USP6NL: variants seen among roughly 807,000 people sequenced by gnomAD.
The protein encoded by USP6NL is USP6 N-terminal like.
Under a neutral mutation model 61.9 loss-of-function variants are expected in USP6NL, and 26 were observed. The observed-to-expected ratio is 0.42, with a 90% confidence interval of 0.31 to 0.58. The LOEUF is 0.58. Ranked by LOEUF, USP6NL falls within the 20% of genes least tolerant of loss-of-function variation. The probability of loss-of-function intolerance (pLI) is 0.16; values close to 1 mark genes in which losing one functional copy is unlikely to be tolerated. For missense variants in USP6NL, 1,114 were observed against 1,034.3 expected (o/e 1.08, Z -1.06); for synonymous variants, 432 against 390.1 (o/e 1.11, Z -1.27).
chr10:11,590,259 T>A lies in USP6NL; in HGVS notation c.4+7372A>T, dbSNP rs553842704. Among the ~76,000 whole-genome samples, 446 of 152,278 alleles carry A rather than the reference T, an allele frequency of 2.9e-3. 10 individuals are homozygous for A. Among genetic ancestry groups the A allele is most frequent in the Admixed American group, 0.024 (368 of 15,292 alleles). ...AAAAAAAAGTCACACCAAAATACTATTTTAGATCAATTCTGAGGAAGAAAG... is the reference window on the plus strand; with the variant it reads ...AAAAAAAAGTCACACCAAAATACTAATTTAGATCAATTCTGAGGAAGAAAG... On this transcript the variant is annotated intron_variant, in intron 2 of 14. Coordinates refer to ENST00000609104, the MANE Select transcript of USP6NL (RefSeq NM_014688.5).
chr10:11,607,701 T>A (rs551554727), intron 1 of USP6NL, among the ~76,000 whole-genome samples: 11 of 151,894 alleles, frequency 7.2e-5, no homozygotes, highest in Non-Finnish European at 1.0e-4. Flanking sequence ...AAGGAAAAAA[T>A]AATAATAATA....
At chr10:11,486,002 A>G in intron 10 of USP6NL, 91 bp from the exon 11 acceptor site, 1 of 932,376 alleles carries the variant, frequency 1.1e-6, no homozygotes, top group Non-Finnish European at 1.5e-6. Context: ...TGTAACTGTC[A>G]AAAATAAAAA....
chr10:11,573,883 G>C, intron 2 of USP6NL: 1 of 380,590 alleles, frequency 2.6e-6, no homozygotes, highest in Non-Finnish European at 4.7e-6. Context: ...TTCTTGAAAT[G>C]ATGGATTCAA....
At position 11,511,838 on chromosome 10, in the gene USP6NL, C is replaced by T. The variant is rs956993352; in HGVS notation, c.196-2163G>A. Among the ~76,000 whole-genome samples the T allele has an allele frequency of 2.0e-5, 3 of 151,926 alleles. No individual in the cohort carries two copies. Among genetic ancestry groups the T allele is most frequent in the Admixed American group, 1.3e-4 (2 of 15,238 alleles). ...AAATAATATATATTATACACACACA[C>T]ACACACACACACCCCTTGGGAAGCT... is the stretch of plus-strand genomic sequence containing the variant. On this transcript the variant is annotated intron_variant, in intron 5 of 14. Coordinates refer to ENST00000609104, the MANE Select transcript of USP6NL (RefSeq NM_014688.5). The surrounding 1 kb of genome is among the most constrained non-coding windows in gnomAD (Gnocchi z 4.9).
Position 11,528,869 on chromosome 10 carries a change from G to T in USP6NL, c.5-1302C>A, listed in dbSNP as rs1246063472. On this transcript the variant is annotated intron_variant, in intron 2 of 14. Transcript: ENST00000609104. The surrounding 1 kb of genome is among the most constrained non-coding windows in gnomAD (Gnocchi z 4.6). Reference sequence around the variant, plus strand: ...AAGTCAAATCCCTGAAAGTTGAAGGGACATGCATGTGTGTAGCAGAGCCGG... The same window carrying T: ...AAGTCAAATCCCTGAAAGTTGAAGGTACATGCATGTGTGTAGCAGAGCCGG... Among the ~76,000 whole-genome samples, 1 of 152,100 alleles carries T rather than the reference G, an allele frequency of 6.6e-6. No individual in the cohort carries two copies. Among genetic ancestry groups the T allele is most frequent in the Non-Finnish European group, 1.5e-5 (1 of 68,030 alleles).
At position 11,575,404 on chromosome 10, in the gene USP6NL, C is replaced by T. The variant is rs1378395497; in HGVS notation, c.4+22227G>A. ...ACTTCCTCTCTTCTGGAGAGAAGAT[C>T]TTTGGAAGGTACTGTTTTGACAGGT... On this transcript the variant is annotated intron_variant, in intron 2 of 14. Coordinates refer to ENST00000609104, the MANE Select transcript of USP6NL (RefSeq NM_014688.5). The surrounding 1 kb of genome is among the most constrained non-coding windows in gnomAD (Gnocchi z 4.2). Among the ~76,000 whole-genome samples, 1 of 152,154 alleles carries T rather than the reference C, an allele frequency of 6.6e-6. No homozygotes were observed. Among genetic ancestry groups the T allele is most frequent in the Non-Finnish European group, 1.5e-5 (1 of 68,042 alleles).
intron 2 of USP6NL, among the ~76,000 whole-genome samples, chr10:11,588,689 T>TA (rs1838059712): frequency 6.6e-6 from 1 of 152,214 alleles, no homozygotes; most frequent in Non-Finnish European, 1.5e-5. Flanking sequence ...AGCACTGAGC[T>TA]AGAAAAGCTT....
At chr10:11,571,253 T>C (rs1000769433) in intron 2 of USP6NL, among the ~76,000 whole-genome samples, 12 of 151,924 alleles carry the variant, frequency 7.9e-5, no homozygotes, top group African/African-American at 2.9e-4. Context: ...CCGGCTAATT[T>C]TGTGGTTTTT....
intron 6 of USP6NL, among the ~76,000 whole-genome samples, chr10:11,505,718 C>T (rs1441584405): frequency 1.3e-5 from 2 of 152,152 alleles, no homozygotes; most frequent in Non-Finnish European, 2.9e-5. Context: ...GTTTTCAGTA[C>T]CTTTTTCTAA....
Position 11,463,435 on chromosome 10 carries a change from C to A in USP6NL, c.1493G>T (p.Arg498Ile), listed in dbSNP as rs2096226235. The change falls in exon 15 of 15, where the codon AGA (arginine) becomes ATA (isoleucine). Residue 498 changes from arginine to isoleucine, a missense_variant. Arg to Ile is a moderately conservative substitution (Grantham distance 97). Coordinates refer to ENST00000609104, the MANE Select transcript of USP6NL (RefSeq NM_014688.5). The surrounding 1 kb of genome is among the most constrained non-coding windows in gnomAD (Gnocchi z 6.3). Reference protein sequence around the residue: ...NKPSDVSATERTAKYTMEGKG... With the variant: ...NKPSDVSATEITAKYTMEGKG... ...GCCTTCCATGGTGTATTTGGCAGTT[C>A]TCTCTGTAGCTGAGACGTCTGACGG... is the stretch of plus-strand genomic sequence containing the variant. The A allele has an allele frequency of 6.2e-7, 1 of 1,614,042 alleles. No homozygotes were observed. The highest frequency in any genetic ancestry group is 1.7e-5 in the Admixed American group (1 of 60,018).
At chr10:11,506,892 G>GA (rs551213972) in intron 6 of USP6NL, among the ~76,000 whole-genome samples, 3 of 151,632 alleles carry the variant, frequency 2.0e-5, no homozygotes, top group South Asian at 2.1e-4. Context: ...TGAAAGACAA[G>GA]AAAAAAAATG....
At position 11,485,767 on chromosome 10, in the gene USP6NL, T is replaced by G; in HGVS notation, c.759+50A>C. The G allele has an allele frequency of 1.6e-6, 2 of 1,267,304 alleles. No individual in the cohort carries two copies. Among genetic ancestry groups the G allele is most frequent in the Non-Finnish European group, 2.2e-6 (2 of 913,956 alleles). The allele number at this position is 1,267,304 out of a possible 1,614,324, so 78.5% of individuals were successfully genotyped here. On this transcript the variant is annotated intron_variant, in intron 11 of 14. Transcript: ENST00000609104. The surrounding 1 kb of genome is among the most constrained non-coding windows in gnomAD (Gnocchi z 4.8). ...CAAAGACAATTTAATTATCCCAGCT[T>G]TTTTTGGGGGGTGGGTAGGTGGGTG...
chr10:11,463,607 T>TAAA lies in USP6NL; in HGVS notation c.1320_1321insTTT (p.Ser440_Lys441insPhe). 6.2e-7 allele frequency: 1 copy of TAAA among 1,613,992 alleles called. No individual in the cohort carries two copies. Among genetic ancestry groups the TAAA allele is most frequent in the Admixed American group, 1.7e-5 (1 of 60,032 alleles). On this transcript the variant is annotated inframe_insertion, in exon 15 of 15. Transcript: ENST00000609104. This position sits in a 1 kb window ranked among gnomAD's most constrained non-coding sequence, Gnocchi z 6.3. ...AAATCTGCCTCATCTTTAAGCTTTTTGCTCTCCTCCTCCACCGATTTCCGT... is the reference window on the plus strand; with the variant it reads ...AAATCTGCCTCATCTTTAAGCTTTTTAAAGCTCTCCTCCTCCACCGATTTCCGT...
intron 4 of USP6NL, among the ~76,000 whole-genome samples, chr10:11,523,610 C>T (rs962575585): frequency 6.6e-6 from 1 of 151,968 alleles, no homozygotes; most frequent in Non-Finnish European, 1.5e-5. Flanking sequence ...GCTAAAAAGC[C>T]AAATACAGCA....
intron 2 of USP6NL, among the ~76,000 whole-genome samples, chr10:11,582,227 A>G (rs919649021): frequency 6.6e-6 from 1 of 152,236 alleles, no homozygotes; most frequent in Non-Finnish European, 1.5e-5. Flanking sequence ...GGGCCTCCCA[A>G]AGTGCTGGGA....
chr10:11,566,529 A>C (rs970873245), intron 2 of USP6NL, among the ~76,000 whole-genome samples: 1 of 152,206 alleles, frequency 6.6e-6, no homozygotes, highest in African/African-American at 2.4e-5. Context: ...AGGAAACTGA[A>C]GCACAGAGAA....
intron 4 of USP6NL, among the ~76,000 whole-genome samples, chr10:11,524,372 T>TA (rs767784995): frequency 4.6e-5 from 7 of 152,142 alleles, no homozygotes; most frequent in African/African-American, 9.6e-5. Context: ...TGAAGATACA[T>TA]AAAAAAAGTA....
At position 11,602,301 on chromosome 10, in the gene USP6NL, C is replaced by T. The variant is rs1838561274; in HGVS notation, c.-83-4584G>A. Among the ~76,000 whole-genome samples the T allele has an allele frequency of 6.6e-6, 1 of 152,076 alleles. No homozygotes were observed. Among genetic ancestry groups the T allele is most frequent in the Non-Finnish European group, 1.5e-5 (1 of 68,014 alleles). On this transcript the variant is annotated intron_variant, in intron 1 of 14. Coordinates refer to ENST00000609104, the MANE Select transcript of USP6NL (RefSeq NM_014688.5). The surrounding 1 kb of genome is among the most constrained non-coding windows in gnomAD (Gnocchi z 4.8). Reference sequence around the variant, plus strand: ...TTTCCTCAAAGGCTATAACTCAATACTTAAATGATTAATGTTCTGTTTTTA... The same window carrying T: ...TTTCCTCAAAGGCTATAACTCAATATTTAAATGATTAATGTTCTGTTTTTA...
chr10:11,523,601 C>T (rs1358986897), intron 4 of USP6NL, among the ~76,000 whole-genome samples: 1 of 151,998 alleles, frequency 6.6e-6, no homozygotes, highest in Non-Finnish European at 1.5e-5. Flanking sequence ...ATCCATAATG[C>T]TAAAAAGCCA....
Sources: gnomAD v4.1 joint callset for allele counts (sites outside exome capture counted in the v4.1 genomes callset) on GRCh38, gnomAD v4.1.1 for gene constraint, Gnocchi (gnomAD v3.1) non-coding constraint, MANE v1.5 for transcripts, NCBI Gene and HGNC (gene_info 2026-07-23, HGNC 2026-07-21) for gene names.